The following COA8 variants were observed in gnomAD, a reference collection of about 807,000 sequenced individuals.
COA8 encodes cytochrome c oxidase assembly factor 8.
Under a neutral mutation model 22.0 loss-of-function variants are expected in COA8, and 20 were observed. The observed-to-expected ratio is 0.91, with a 90% confidence interval of 0.64 to 1.32. The LOEUF (loss-of-function observed/expected upper bound fraction) is 1.32, where lower values mean the gene tolerates loss of function less well. Ranked by LOEUF, COA8 falls within the 40% of genes most tolerant of loss-of-function variation. COA8 has a pLI of 0.00. For synonymous variants in COA8, 105 were observed against 79.9 expected (o/e 1.31, Z -1.68); for missense variants, 266 against 230.0 (o/e 1.16, Z -1.01).
chr14:103,589,748 A>C (rs2076336234), intron 4 of COA8, among the ~76,000 whole-genome samples: 1 of 152,046 alleles, frequency 6.6e-6, no homozygotes, highest in South Asian at 2.1e-4. Context: ...TCTACTAAAA[A>C]AAAAAAATAC....
intron 4 of COA8, chr14:103,587,893 C>T: frequency 6.4e-6 from 1 of 155,914 alleles, no homozygotes; most frequent in African/African-American, 2.4e-5. Flanking sequence ...ACCTGTAATC[C>T]CAGCACTTTA....
At chr14:103,563,445 C>G in intron 1 of COA8, 1 of 464,194 alleles carries the variant, frequency 2.2e-6, no homozygotes, top group East Asian at 4.3e-5. Context: ...GAGCTCTTGG[C>G]TTACCGTGCG....
At chr14:103,564,051 G>A (rs1385482554) in intron 1 of COA8, among the ~76,000 whole-genome samples, 1 of 151,950 alleles carries the variant, frequency 6.6e-6, no homozygotes, top group Non-Finnish European at 1.5e-5. Context: ...TACTCGGGAG[G>A]ATGAGGCAGG....
At chr14:103,571,922 T>C in intron 2 of COA8, 102 bp downstream of exon 2, 2 of 961,018 alleles carry the variant, frequency 2.1e-6, no homozygotes, top group Non-Finnish European at 3.1e-6. Flanking sequence ...GGTCAGGAGA[T>C]CGAGACCATC....
rs1343185322 is a variant in COA8, at chr14:103,571,719, G to A, written c.220G>A (p.Glu74Lys). ...TCGACCTGTTCACTTTTACATACCT[G>A]AAAATGAATCTCCATTGGAACAAAA... ...NLRPVHFYIP[E>K]NESPLEQKLR... The change falls in exon 2 of 5, where the codon GAA becomes AAA. Residue 74 changes from glutamate to lysine, a missense_variant. By Grantham distance (56) the Glu-to-Lys change is moderately conservative. Transcript: ENST00000409074. 1 of 1,614,094 alleles carries A rather than the reference G, an allele frequency of 6.2e-7. No individual in the cohort carries two copies. Among genetic ancestry groups the A allele is most frequent in the South Asian group, 1.1e-5 (1 of 91,088 alleles).
rs28744517 is a variant in COA8 at position 103,572,081 on chromosome 14, T to G, written c.321+261T>G. On this transcript the variant is annotated intron_variant, in intron 2 of 4. Coordinates refer to ENST00000409074, the MANE Select transcript of COA8 (RefSeq NM_001370595.2). ...GGCAGAGCTTGCAGTGAGCGGAGAT[T>G]GCGCCACTGCACTCCAGCCTGGGTG... Among the ~76,000 whole-genome samples, 42,523 of 150,172 alleles carry G rather than the reference T, an allele frequency of 0.28. 6,415 individuals are homozygous for G. The highest frequency in any genetic ancestry group is 0.38 in the Middle Eastern group (111 of 294).
At chr14:103,578,632 G>C (rs1272807411) in intron 3 of COA8, among the ~76,000 whole-genome samples, 1 of 152,032 alleles carries the variant, frequency 6.6e-6, no homozygotes, top group Non-Finnish European at 1.5e-5. Flanking sequence ...CTCTTTCCCT[G>C]AACTTAGCGG....
rs10138246 is a variant in COA8 at position 103,590,409 on chromosome 14, C to G, written c.*123C>G. The G allele has an allele frequency of 3.2e-3, 2,994 of 941,082 alleles. 52 individuals are homozygous for G. The African/African-American group carries it at 0.04, about 12-fold the overall frequency. 58.3% of individuals were successfully genotyped at this position (941,082 alleles called of 1,614,324 possible). ...AGCCCCACATCTTCCTAAGGGGCCCCATGGCCTGTTTGGGGGCAGGGTAGG... is the reference window on the plus strand; with the variant it reads ...AGCCCCACATCTTCCTAAGGGGCCCGATGGCCTGTTTGGGGGCAGGGTAGG... On this transcript the variant is annotated 3_prime_UTR_variant, in exon 5 of 5. Coordinates refer to ENST00000409074, the MANE Select transcript of COA8 (RefSeq NM_001370595.2).
chr14:103,574,573 T>G, intron 3 of COA8: 1 of 373,670 alleles, frequency 2.7e-6, no homozygotes, highest in Non-Finnish European at 5.2e-6. Flanking sequence ...ATGCTGTTCG[T>G]TAAACAGATG....
chr14:103,587,067 T>C (rs900491431), intron 3 of COA8, among the ~76,000 whole-genome samples: 6 of 152,222 alleles, frequency 3.9e-5, no homozygotes, highest in African/African-American at 1.2e-4. Flanking sequence ...CTAAGTCTTT[T>C]ATTATTTTTG....
At chr14:103,571,951 C>A (rs755659999) in intron 2 of COA8, 131 bp downstream of exon 2, 1 of 721,504 alleles carries the variant, frequency 1.4e-6, no homozygotes, top group South Asian at 1.9e-5. Flanking sequence ...CACGGTGAAA[C>A]CCTGTCTCTA....
intron 3 of COA8, among the ~76,000 whole-genome samples, chr14:103,583,338 A>G (rs1457056600): frequency 6.6e-6 from 1 of 151,940 alleles, no homozygotes; most frequent in African/African-American, 2.4e-5. Flanking sequence ...TCAGGAGTTC[A>G]TGACCAGCCT....
intron 2 of COA8, among the ~76,000 whole-genome samples, chr14:103,573,693 CA>C (rs774365376): frequency 1.3e-5 from 2 of 152,070 alleles, no homozygotes; most frequent in African/African-American, 2.4e-5. Flanking sequence ...GGTGGGATTA[CA>C]GGTGCCCACC....
chr14:103,565,249 C>T (rs950875295), intron 1 of COA8, among the ~76,000 whole-genome samples: 5 of 152,104 alleles, frequency 3.3e-5, no homozygotes, highest in African/African-American at 1.2e-4. Context: ...TGTGAGCCAC[C>T]ATGCCCAGCC....
At chr14:103,574,653 G>C in intron 3 of COA8, 1 of 351,862 alleles carries the variant, frequency 2.8e-6, no homozygotes, top group South Asian at 2.2e-5. Flanking sequence ...TCTGTCATTG[G>C]GCTAAAGTGC....
At chr14:103,570,373 C>G (rs1168079341) in intron 1 of COA8, among the ~76,000 whole-genome samples, 2 of 152,152 alleles carry the variant, frequency 1.3e-5, no homozygotes, top group Admixed American at 6.6e-5. Flanking sequence ...CTATAACTCC[C>G]TGACAGTTCT....
intron 3 of COA8, 198 bp downstream of exon 3, chr14:103,574,368 C>T (rs1463046361): frequency 1.3e-6 from 1 of 743,452 alleles, no homozygotes; most frequent in Non-Finnish European, 2.4e-6. Context: ...TCTCAGCTCC[C>T]TCCTTTCTCT....
At chr14:103,572,807 G>A (rs1167307112) in intron 2 of COA8, among the ~76,000 whole-genome samples, 1 of 149,918 alleles carries the variant, frequency 6.7e-6, no homozygotes, top group Non-Finnish European at 1.5e-5. Flanking sequence ...TTTTTGAGAC[G>A]GAGTCTCGCT....
At chr14:103,569,567 T>C (rs1346654403) in intron 1 of COA8, among the ~76,000 whole-genome samples, 1 of 152,136 alleles carries the variant, frequency 6.6e-6, no homozygotes, top group Non-Finnish European at 1.5e-5. Flanking sequence ...AAAGAGCGGG[T>C]GCAGCCCTGG....
Sources: gnomAD v4.1 joint callset for allele counts (sites outside exome capture counted in the v4.1 genomes callset) on GRCh38, gnomAD v4.1.1 for gene constraint, MANE v1.5 for transcripts, NCBI Gene and HGNC (gene_info 2026-07-23, HGNC 2026-07-21) for gene names.